Variants in GATAD1 observed in about 807,000 individuals in gnomAD.
GATAD1 encodes the protein GATA zinc finger domain containing 1, also known as GATA zinc finger domain-containing protein 1.
A neutral mutation model predicts 26.5 loss-of-function variants in GATAD1; 12 were observed. That is an observed-to-expected ratio of 0.45 (90% CI 0.29 to 0.73). The LOEUF (loss-of-function observed/expected upper bound fraction) is 0.73, where lower values mean the gene tolerates loss of function less well. GATAD1 is among the 30% of genes least tolerant of loss of function. The pLI is 0.10. For synonymous variants in GATAD1, 129 were observed against 133.1 expected, an observed-to-expected ratio of 0.97 and a Z score of 0.21; for missense variants, 266 against 342.1, an observed-to-expected ratio of 0.78 and a Z score of 1.75.
downstream of GATAD1, among the ~76,000 whole-genome samples, chr7:92,463,884 C>T (rs1183020094): frequency 6.7e-6 from 1 of 149,616 alleles, no homozygotes; most frequent in Non-Finnish European, 1.5e-5. Flanking sequence ...CTAGGAATTG[C>T]TTGAACCCAG....
chr7:92,460,426 G>A (rs766975687), downstream of GATAD1, among the ~76,000 whole-genome samples: 1 of 152,172 alleles, frequency 6.6e-6, no homozygotes, highest in Non-Finnish European at 1.5e-5. Flanking sequence ...TCTGTGCCAA[G>A]AGAAGGAACC....
chr7:92,491,329 C>G, the GATAD1 span: 1 of 1,613,958 alleles, frequency 6.2e-7, no homozygotes, highest in Non-Finnish European at 8.5e-7. Context: ...CAAAGTAGAG[C>G]CGGTACATAT....
chr7:92,494,709 ATTTAT>A, the GATAD1 span: 5 of 1,081,972 alleles, frequency 4.6e-6, no homozygotes, highest in Non-Finnish European at 5.4e-6. Flanking sequence ...ATATGAATGT[ATTTAT>A]TTTATGTATT....
the GATAD1 span, chr7:92,494,587 A>C: frequency 6.2e-7 from 1 of 1,614,052 alleles, no homozygotes; most frequent in East Asian, 2.2e-5. Flanking sequence ...CAATGGATTC[A>C]AATTCATCAA....
rs368432655 is a variant in GATAD1, at chr7:92,456,612, G to T, written c.*50G>T. 122 of 1,202,838 alleles carry T rather than the reference G, an allele frequency of 1.0e-4. No individual in the cohort carries two copies. The highest frequency in any genetic ancestry group is 2.4e-5 in the Non-Finnish European group (20 of 829,008). The allele number at this position is 1,202,838 out of a possible 1,614,324, so 74.5% of individuals were successfully genotyped here. On this transcript the variant is annotated 3_prime_UTR_variant, in exon 5 of 5. Coordinates refer to ENST00000287957, the MANE Select transcript of GATAD1 (RefSeq NM_021167.5). ...AGGCCTGGTGTGGTGGCTCACGCCT[G>T]TAGCCCCAGCTATTGCACCACTGCT...
intron 1 of GATAD1, among the ~76,000 whole-genome samples, 192 bp from the exon 2 acceptor site, chr7:92,448,560 G>A (rs144745982): frequency 2.0e-3 from 307 of 152,250 alleles, no homozygotes; most frequent in African/African-American, 7.2e-3. Context: ...CCGAGATTCC[G>A]GGTGCTGAAC....
At chr7:92,491,126 T>C in the GATAD1 span, 4 of 640,366 alleles carry the variant, frequency 6.2e-6, no homozygotes, top group Admixed American at 7.4e-5. Flanking sequence ...TACCAATTAG[T>C]GTAAGCAAGA....
Position 92,447,555 on chromosome 7 carries a change from C to A in GATAD1, c.-175C>A. The A allele has an allele frequency of 1.2e-6, 1 of 811,756 alleles. No homozygotes were observed. Among genetic ancestry groups the A allele is most frequent in the Non-Finnish European group, 1.7e-6 (1 of 598,466 alleles). 50.3% of individuals were successfully genotyped at this position (811,756 alleles called of 1,614,324 possible). On this transcript the variant is annotated 5_prime_UTR_variant, in exon 1 of 5. Coordinates refer to ENST00000287957, the MANE Select transcript of GATAD1 (RefSeq NM_021167.5). Reference sequence around the variant, plus strand: ...CCGCCTGCGGAGCCGGCGGAACCCGCTTCCCGCCTCCACGGGGCAGCGCCA... The same window carrying A: ...CCGCCTGCGGAGCCGGCGGAACCCGATTCCCGCCTCCACGGGGCAGCGCCA...
At chr7:92,480,526 G>A in the GATAD1 span, among the ~76,000 whole-genome samples, 1 of 152,212 alleles carries the variant, frequency 6.6e-6, no homozygotes, top group African/African-American at 2.4e-5. Context: ...CTAAGAGGTG[G>A]ACTAGTGGCT....
intron 4 of GATAD1, among the ~76,000 whole-genome samples, chr7:92,455,889 C>T (rs988854506): frequency 6.6e-6 from 1 of 152,136 alleles, no homozygotes; most frequent in African/African-American, 2.4e-5. Flanking sequence ...TTTCTAATCC[C>T]CAGATTCTGA....
At chr7:92,455,704 AAAT>A (rs1789641427) in intron 4 of GATAD1, among the ~76,000 whole-genome samples, 1 of 152,244 alleles carries the variant, frequency 6.6e-6, no homozygotes, top group Non-Finnish European at 1.5e-5. Flanking sequence ...CTCCAGGGAC[AAAT>A]AATATACCAC....
chr7:92,483,057 T>C, the GATAD1 span, among the ~76,000 whole-genome samples: 9 of 152,212 alleles, frequency 5.9e-5, no homozygotes, highest in Admixed American at 4.6e-4. Flanking sequence ...AGTCTTCAGC[T>C]GCTAAGCCGA....
rs1223532367 is a variant in GATAD1 at position 92,457,141 on chromosome 7, A to G, written c.*579A>G. ...ACCGCTGTGCTCCAGCCTGGGCAAC[A>G]GAGTGAGACTCTTGTCTCGGAAAAA... is the stretch of plus-strand genomic sequence containing the variant. On this transcript the variant is annotated 3_prime_UTR_variant, in exon 5 of 5. Transcript: ENST00000287957. 1.4e-5 allele frequency: 2 copies of G among 140,602 alleles called. No homozygotes were observed. Among genetic ancestry groups the G allele is most frequent in the Non-Finnish European group, 3.1e-5 (2 of 65,524 alleles). 8.7% of individuals were successfully genotyped at this position (140,602 alleles called of 1,614,324 possible).
the GATAD1 span, among the ~76,000 whole-genome samples, chr7:92,473,635 GA>G: frequency 0.012 from 1,751 of 151,952 alleles, 14 homozygotes; most frequent in Non-Finnish European, 0.018. Context: ...AGCATAATTA[GA>G]AAAGCATGTG....
chr7:92,460,850 T>A (rs1789896026), downstream of GATAD1, among the ~76,000 whole-genome samples: 1 of 150,882 alleles, frequency 6.6e-6, no homozygotes, highest in Non-Finnish European at 1.5e-5. Flanking sequence ...TTTCTGCAGC[T>A]ACTTTTTTCA....
the GATAD1 span, among the ~76,000 whole-genome samples, chr7:92,495,038 T>C: frequency 6.6e-6 from 1 of 152,010 alleles, no homozygotes; most frequent in Non-Finnish European, 1.5e-5. Flanking sequence ...TATATTAATA[T>C]ATACTTATTG....
chr7:92,494,958 G>A, the GATAD1 span, among the ~76,000 whole-genome samples: 4 of 151,638 alleles, frequency 2.6e-5, no homozygotes, highest in South Asian at 2.1e-4. Context: ...GACTAACAGG[G>A]ATCAAAACAA....
intron 2 of GATAD1, 23 bp downstream of exon 2, chr7:92,448,900 C>CT (rs759768830): frequency 6.2e-7 from 1 of 1,601,596 alleles, no homozygotes; most frequent in Non-Finnish European, 8.6e-7. Context: ...TGGACAGTGC[C>CT]TTTTACTGTA....
At chr7:92,466,412 T>C in the GATAD1 span, among the ~76,000 whole-genome samples, 1 of 152,128 alleles carries the variant, frequency 6.6e-6, no homozygotes, top group African/African-American at 2.4e-5. Context: ...CCTCCGACCT[T>C]GGCCTCCCAA....
Sources: gnomAD v4.1 joint callset for allele counts (sites outside exome capture counted in the v4.1 genomes callset) on GRCh38, gnomAD v4.1.1 for gene constraint, MANE v1.5 for transcripts, NCBI Gene and HGNC (gene_info 2026-07-23, HGNC 2026-07-21) for gene names.